ATP5MC2: variants seen among roughly 807,000 people sequenced by gnomAD.
The protein encoded by ATP5MC2 is ATP synthase membrane subunit c locus 2.
A neutral mutation model predicts 13.5 loss-of-function variants in ATP5MC2; 11 were observed. That is an observed-to-expected ratio of 0.81 (90% CI 0.51 to 1.35). The LOEUF is 1.35. Ranked by LOEUF, ATP5MC2 falls within the 40% of genes most tolerant of loss-of-function variation. The pLI is 0.00. For missense variants in ATP5MC2, 132 were observed against 175.0 expected, an observed-to-expected ratio of 0.75 and a Z score of 1.39; for synonymous variants, 64 against 69.7, an observed-to-expected ratio of 0.92 and a Z score of 0.41.
intron 1 of ATP5MC2, chr12:53,673,843 A>G (rs1945187085): frequency 1.1e-5 from 2 of 180,102 alleles, no homozygotes; most frequent in South Asian, 1.6e-4. Context: ...AAAGTATTAA[A>G]TTGTGTCTCC....
upstream of ATP5MC2, chr12:53,677,503 C>G (rs879784968): frequency 1.3e-5 from 2 of 152,202 alleles, no homozygotes; most frequent in South Asian, 2.1e-4. Flanking sequence ...TATATGGGCC[C>G]GTTATTTCAC....
rs368833150 is a variant in ATP5MC2, at chr12:53,670,199, A to G, written c.40-251T>C. 104 of 516,672 alleles carry G rather than the reference A, an allele frequency of 2.0e-4. No homozygotes were observed. The East Asian group carries it at 4.1e-3, about 21-fold the overall frequency. The allele number at this position is 516,672 out of a possible 1,614,324, so 32.0% of individuals were successfully genotyped here. On this transcript the variant is annotated intron_variant, in intron 2 of 4. Coordinates refer to ENST00000394349, the MANE Select transcript of ATP5MC2 (RefSeq NM_005176.7). ...GTCTACTTCCTTTGGGCCATAAGGG[A>G]GCATCCAACCTTGCTATATCCTTTT...
At chr12:53,679,205 G>C (rs1218782558), upstream of ATP5MC2, among the ~76,000 whole-genome samples, 1 of 148,532 alleles carries the variant, frequency 6.7e-6, no homozygotes, top group Non-Finnish European at 1.5e-5. Context: ...CAATGAGAAA[G>C]AGCCACGAAA....
intron 4 of ATP5MC2, among the ~76,000 whole-genome samples, chr12:53,667,796 T>C (rs929276375): frequency 1.3e-5 from 2 of 151,804 alleles, no homozygotes; most frequent in African/African-American, 2.4e-5. Flanking sequence ...CACCCGGCCA[T>C]AAAATTATTT....
chr12:53,668,303 C>T (rs1433219804), intron 4 of ATP5MC2, among the ~76,000 whole-genome samples: 4 of 142,212 alleles, frequency 2.8e-5, no homozygotes, highest in African/African-American at 1.0e-4. Context: ...TTGTTTTTTT[C>T]TTTTTTTTTT....
intron 4 of ATP5MC2, among the ~76,000 whole-genome samples, chr12:53,668,533 G>A (rs1288699912): frequency 6.6e-6 from 1 of 151,242 alleles, no homozygotes; most frequent in Non-Finnish European, 1.5e-5. Context: ...TCGAACTCCT[G>A]ACCTCAAGCG....
rs191697043 is a variant in ATP5MC2, at chr12:53,670,914, C to T, written c.40-966G>A. On this transcript the variant is annotated intron_variant, in intron 2 of 4. Transcript: ENST00000394349. Reference sequence around the variant, plus strand: ...CTGGGATTACAGGCATGAGCCACCACGCCCAGCCCGAAGTATGGTTTCTAA... The same window carrying T: ...CTGGGATTACAGGCATGAGCCACCATGCCCAGCCCGAAGTATGGTTTCTAA... Among the ~76,000 whole-genome samples, 8 of 152,068 alleles carry T rather than the reference C, an allele frequency of 5.3e-5. No homozygotes were observed. In the South Asian group the frequency reaches 6.2e-4, roughly 12 times the overall value.
intron 2 of ATP5MC2, chr12:53,670,389 T>C (rs1270064998): frequency 6.0e-6 from 2 of 335,552 alleles, no homozygotes; most frequent in East Asian, 8.0e-5. Flanking sequence ...AACACCATAG[T>C]CTGGCCTTCA....
At chr12:53,672,282 T>C (rs1326287393) in intron 2 of ATP5MC2, among the ~76,000 whole-genome samples, 1 of 151,910 alleles carries the variant, frequency 6.6e-6, no homozygotes, top group Non-Finnish European at 1.5e-5. Context: ...AGTGCAGTGG[T>C]GCGATCTTGG....
intron 1 of ATP5MC2, among the ~76,000 whole-genome samples, chr12:53,675,180 T>C (rs1281415531): frequency 6.6e-6 from 1 of 152,150 alleles, no homozygotes; most frequent in Admixed American, 6.5e-5. Flanking sequence ...TCAGTGTAGA[T>C]GAGTCACAGG....
upstream of ATP5MC2, chr12:53,676,403 C>T (rs906444908): frequency 3.4e-5 from 21 of 621,782 alleles, no homozygotes; most frequent in Non-Finnish European, 4.6e-5. Flanking sequence ...GTCACACTGC[C>T]AAAACAAAAC....
chr12:53,670,641 C>T (rs1233313736), intron 2 of ATP5MC2, among the ~76,000 whole-genome samples: 19 of 150,654 alleles, frequency 1.3e-4, no homozygotes, highest in South Asian at 2.1e-4. Context: ...TTTTTTGAGA[C>T]GGAGTCTTGC....
upstream of ATP5MC2, among the ~76,000 whole-genome samples, chr12:53,679,002 A>AG (rs62719062): frequency 2.0e-5 from 3 of 152,192 alleles, no homozygotes; most frequent in East Asian, 1.9e-4. Context: ...AACAACCCTC[A>AG]GGGGGGCCAC....
chr12:53,675,042 C>T lies in ATP5MC2; in HGVS notation c.-32+1011G>A, dbSNP rs750578749. Among the ~76,000 whole-genome samples the T allele has an allele frequency of 9.2e-5, 14 of 152,260 alleles. 1 individual carries two copies. ...GTGCTGGCATATAATAAACCCACAA[C>T]AAGGGGTGGCAATTAAGTGATCCCA... On this transcript the variant is annotated intron_variant, in intron 1 of 4. Coordinates refer to ENST00000394349, the MANE Select transcript of ATP5MC2 (RefSeq NM_005176.7).
At chr12:53,680,144 C>A (rs12424729), upstream of ATP5MC2, among the ~76,000 whole-genome samples, 46,005 of 151,850 alleles carry the variant, frequency 0.3, 7,123 homozygotes, top group East Asian at 0.36. Flanking sequence ...CGCCACCATG[C>A]CCGGCTAATT....
upstream of ATP5MC2, among the ~76,000 whole-genome samples, chr12:53,680,492 T>G (rs576167256): frequency 1.5e-3 from 222 of 152,298 alleles, 2 homozygotes; most frequent in Middle Eastern, 3.4e-3. Context: ...GACTTCAAGC[T>G]AGAATAGTCA....
chr12:53,669,057 A>T, intron 4 of ATP5MC2, 91 bp downstream of exon 4: 1 of 1,418,952 alleles, frequency 7.0e-7, no homozygotes, highest in Non-Finnish European at 9.3e-7. Context: ...TAGTGGCTAC[A>T]GTGTGGGATA....
chr12:53,667,956 CATATATATATATAT>C lies in ATP5MC2; in HGVS notation c.311+1178_311+1191del, dbSNP rs772110168. ...TCTAATACATACATACATACACACA[CATATATATATATAT>C]ATATATATATATATATATATATATA... On this transcript the variant is annotated intron_variant, in intron 4 of 4. Coordinates refer to ENST00000394349, the MANE Select transcript of ATP5MC2 (RefSeq NM_005176.7). 3.5e-3 allele frequency among the ~76,000 whole-genome samples: 234 copies of C among 67,362 alleles called. 6 individuals carry two copies. The highest frequency in any genetic ancestry group is 7.9e-3 in the East Asian group (15 of 1,890). The allele number at this position is 67,362 out of a possible 152,430, so 44.2% of individuals were successfully genotyped here.
chr12:53,677,939 A>G (rs1187621919), upstream of ATP5MC2, among the ~76,000 whole-genome samples: 1 of 152,214 alleles, frequency 6.6e-6, no homozygotes, highest in Non-Finnish European at 1.5e-5. Flanking sequence ...GAGAAAGTCC[A>G]CAGTTCTTAG....
Sources: allele counts gnomAD v4.1 joint callset (sites outside exome capture counted in the v4.1 genomes callset), GRCh38; gene constraint gnomAD v4.1.1; transcripts MANE v1.5; gene names NCBI Gene and HGNC (gene_info 2026-07-23, HGNC 2026-07-21).